Variants in WDSUB1 observed in about 807,000 individuals in gnomAD.
WDSUB1 encodes WD repeat, sterile alpha motif and U-box domain containing 1.
A neutral mutation model predicts 53.9 loss-of-function variants in WDSUB1; 49 were observed. The ratio of observed to expected loss-of-function variants is 0.91; its 90% confidence interval spans 0.72 to 1.15. The LOEUF (loss-of-function observed/expected upper bound fraction) is 1.15. Among genes scored for constraint, WDSUB1 ranks in the 50% most tolerant of loss-of-function variants. The pLI is 0.00. For synonymous variants in WDSUB1, 194 were observed against 200.6 expected, an observed-to-expected ratio of 0.97 and a Z score of 0.28; for missense variants, 514 against 562.0, an observed-to-expected ratio of 0.91 and a Z score of 0.86.
Position 159,236,101 on chromosome 2 carries a change from CT to C in WDSUB1, c.1362del (p.Ala455ArgfsTer9). Reference sequence around the variant, plus strand: ...AGAGTCCTATTTGGTGTAAGTACCGCTGAAGGAAGAACAAGATTTGTCATGG... The same window carrying C: ...AGAGTCCTATTTGGTGTAAGTACCGCGAAGGAAGAACAAGATTTGTCATGG... ...TSPMTNLVLP[S>X]AVLTPNRTLK... On this transcript the variant is annotated frameshift_variant, in exon 11 of 11. Coordinates refer to ENST00000359774, the MANE Select transcript of WDSUB1 (RefSeq NM_001128212.3). LOFTEE classifies it high-confidence loss of function. 6.2e-7 allele frequency: 1 copy of C among 1,613,928 alleles called. No homozygotes were observed. The highest frequency in any genetic ancestry group is 2.2e-5 in the East Asian group (1 of 44,864).
At position 159,282,970 on chromosome 2, in the gene WDSUB1, T is replaced by G. The variant is rs139934795; in HGVS notation, c.100A>C (p.Ile34Leu). 1 of 1,614,034 alleles carries G rather than the reference T, an allele frequency of 6.2e-7. No homozygotes were observed. The highest frequency in any genetic ancestry group is 1.7e-5 in the Admixed American group (1 of 59,986). The change falls in exon 2 of 11, where the codon ATT becomes CTT. Residue 34 changes from isoleucine (I) to leucine (L), a missense_variant. Physicochemically the swap from Ile to Leu is conservative, Grantham distance 5. Coordinates refer to ENST00000359774, the MANE Select transcript of WDSUB1 (RefSeq NM_001128212.3). ...AAGTCACGTAACGAGTACAGGCGAA[T>G]TGTTTTGTCCAAGGAGCAAGTAGCC... The part of the protein sequence containing the change: ...LLATCSLDKT[I>L]RLYSLRDFTE...
intron 10 of WDSUB1, among the ~76,000 whole-genome samples, chr2:159,246,139 A>C (rs2060789749): frequency 6.6e-6 from 1 of 152,230 alleles, no homozygotes; most frequent in South Asian, 2.1e-4. Flanking sequence ...GCAAATTAAA[A>C]GCACAATAAG....
At chr2:159,253,315 G>T (rs1296924392) in intron 9 of WDSUB1, among the ~76,000 whole-genome samples, 1 of 152,146 alleles carries the variant, frequency 6.6e-6, no homozygotes, top group East Asian at 1.9e-4. Flanking sequence ...TATAGTTCTA[G>T]ATATAAGGAA....
At chr2:159,238,689 AC>A (rs537311265) in intron 10 of WDSUB1, among the ~76,000 whole-genome samples, 43 of 152,318 alleles carry the variant, frequency 2.8e-4, no homozygotes, top group African/African-American at 9.9e-4. Flanking sequence ...GGCCAACACT[AC>A]ACATTCACTT....
chr2:159,269,947 C>T (rs1393487595), intron 5 of WDSUB1, among the ~76,000 whole-genome samples: 1 of 152,220 alleles, frequency 6.6e-6, no homozygotes, highest in Non-Finnish European at 1.5e-5. Flanking sequence ...AGGAATCAGA[C>T]AAGGCCTGTT....
intron 10 of WDSUB1, among the ~76,000 whole-genome samples, chr2:159,238,588 GA>G (rs2060550635): frequency 1.3e-5 from 2 of 152,156 alleles, no homozygotes; most frequent in Admixed American, 6.5e-5. Flanking sequence ...TTTTACCACT[GA>G]TTTTAAATGC....
chr2:159,279,717 T>G (rs754925790), intron 3 of WDSUB1, 44 bp downstream of exon 3: 65 of 1,539,568 alleles, frequency 4.2e-5, no homozygotes, highest in Non-Finnish European at 5.5e-5. Context: ...CAGCACAAAT[T>G]ACAAATAGGA....
chr2:159,279,164 CA>C (rs1423688965), intron 3 of WDSUB1, among the ~76,000 whole-genome samples: 26 of 152,098 alleles, frequency 1.7e-4, no homozygotes, highest in Admixed American at 1.7e-3. Flanking sequence ...TGCAGGGGGA[CA>C]AAAGCTACAG....
At chr2:159,284,280 G>T (rs1371202952) in intron 1 of WDSUB1, among the ~76,000 whole-genome samples, 1 of 152,132 alleles carries the variant, frequency 6.6e-6, no homozygotes, top group East Asian at 1.9e-4. Flanking sequence ...ACTTCAAACT[G>T]ATTTGATGTT....
chr2:159,248,358 A>T lies in WDSUB1; in HGVS notation c.1273+14T>A. ...CAAAACATCCCCTGCAACTTAGTAT[A>T]GCATCACACATACCTGATGCGATGA... On this transcript the variant is annotated intron_variant, in intron 10 of 10. Coordinates refer to ENST00000359774, the MANE Select transcript of WDSUB1 (RefSeq NM_001128212.3). 1 of 1,608,810 alleles carries T rather than the reference A, an allele frequency of 6.2e-7. No homozygotes were observed. The highest frequency in any genetic ancestry group is 8.5e-7 in the Non-Finnish European group (1 of 1,178,326).
chr2:159,236,374 T>C (rs927224312), intron 10 of WDSUB1, among the ~76,000 whole-genome samples, 184 bp from the exon 11 acceptor site: 2 of 152,174 alleles, frequency 1.3e-5, no homozygotes, highest in Non-Finnish European at 2.9e-5. Flanking sequence ...ATTGATTGGA[T>C]GGAGACGTAT....
chr2:159,277,357 A>G (rs2061564533), intron 3 of WDSUB1, among the ~76,000 whole-genome samples: 1 of 152,218 alleles, frequency 6.6e-6, no homozygotes, highest in East Asian at 1.9e-4. Context: ...TGAGAGCAAA[A>G]TATTTCTGTA....
rs1007158490 is a variant in WDSUB1 at position 159,251,285 on chromosome 2, GA to G, written c.1133-2774del. 7.9e-5 allele frequency among the ~76,000 whole-genome samples: 12 copies of G among 151,468 alleles called. 1 individual carries two copies. The South Asian group carries it at 1.5e-3, about 18-fold the overall frequency. ...TGTCTCAAAAAAAAATTAAGAAAAA[GA>G]AAAAAATATAGGAGCAACTAATATT... On this transcript the variant is annotated intron_variant, in intron 9 of 10. Coordinates refer to ENST00000359774, the MANE Select transcript of WDSUB1 (RefSeq NM_001128212.3).
At chr2:159,272,643 A>G (rs1212294520) in intron 4 of WDSUB1, among the ~76,000 whole-genome samples, 2 of 152,234 alleles carry the variant, frequency 1.3e-5, no homozygotes, top group Non-Finnish European at 2.9e-5. Flanking sequence ...GATAAAAACA[A>G]AATACGCCAA....
chr2:159,248,972 T>C (rs1461605364), intron 9 of WDSUB1, among the ~76,000 whole-genome samples: 1 of 152,216 alleles, frequency 6.6e-6, no homozygotes, highest in Admixed American at 6.5e-5. Context: ...CATGAACTAT[T>C]GTTTTCTTTA....
chr2:159,256,132 A>C, intron 9 of WDSUB1, 64 bp downstream of exon 9: 1 of 1,489,062 alleles, frequency 6.7e-7, no homozygotes, highest in Non-Finnish European at 9.0e-7. Flanking sequence ...ATGCAACAAA[A>C]TCCAACTGCA....
chr2:159,252,852 G>A (rs17604773), intron 9 of WDSUB1, among the ~76,000 whole-genome samples: 12,606 of 152,146 alleles, frequency 0.083, 1,164 homozygotes, highest in African/African-American at 0.22. Flanking sequence ...GGAAAGAAGA[G>A]CAAATGGAAG....
intron 9 of WDSUB1, among the ~76,000 whole-genome samples, chr2:159,253,647 C>G (rs1203350517): frequency 6.6e-6 from 1 of 152,194 alleles, no homozygotes; most frequent in South Asian, 2.1e-4. Context: ...GACATGGCAG[C>G]TGTTTTAAAC....
chr2:159,237,326 G>T (rs2060508559), intron 10 of WDSUB1, among the ~76,000 whole-genome samples: 1 of 152,106 alleles, frequency 6.6e-6, no homozygotes, highest in African/African-American at 2.4e-5. Flanking sequence ...TTTGAGACCA[G>T]CCTGGCCAAC....
Sources: gnomAD v4.1 joint callset for allele counts (sites outside exome capture counted in the v4.1 genomes callset) on GRCh38, gnomAD v4.1.1 for gene constraint, MANE v1.5 for transcripts, NCBI Gene and HGNC (gene_info 2026-07-23, HGNC 2026-07-21) for gene names.